Variants in CACNB4 observed in about 807,000 individuals in gnomAD.
The protein encoded by CACNB4 is voltage-dependent L-type calcium channel subunit beta-4.
Under a neutral mutation model 71.2 loss-of-function variants are expected in CACNB4, and 32 were observed. The ratio of observed to expected loss-of-function variants is 0.45; its 90% confidence interval spans 0.34 to 0.60. CACNB4 has a LOEUF of 0.60. Ranked by LOEUF, CACNB4 falls within the 20% of genes least tolerant of loss-of-function variation. The pLI, the probability that CACNB4 is intolerant of heterozygous loss-of-function variation, is 0.01. For synonymous variants in CACNB4, 231 were observed against 236.9 expected, an observed-to-expected ratio of 0.97 and a Z score of 0.23; for missense variants, 464 against 647.9, an observed-to-expected ratio of 0.72 and a Z score of 3.08.
intron 2 of CACNB4, among the ~76,000 whole-genome samples, chr2:151,897,122 G>C (rs2099852286): frequency 1.3e-5 from 2 of 152,336 alleles, no homozygotes; most frequent in Admixed American, 6.5e-5. Flanking sequence ...GTTCTCTCCA[G>C]CACATCATCT....
At chr2:151,992,032 C>T (rs1264397049) in intron 2 of CACNB4, among the ~76,000 whole-genome samples, 1 of 152,182 alleles carries the variant, frequency 6.6e-6, no homozygotes, top group Admixed American at 6.5e-5. Context: ...CCAGAATGGC[C>T]CCCCTGAAGG....
chr2:152,099,028 A>C lies in CACNB4; in HGVS notation c.-17T>G, dbSNP rs769264633. ...GGAGGACATCGTTCAGAGCCGCCGC[A>C]TGGCCAGCCCGTGTGCGGTGGGCGG... On this transcript the variant is annotated 5_prime_UTR_variant, in exon 1 of 14. It removes an upstream start codon present in the reference 5' UTR. Coordinates refer to ENST00000539935, the MANE Select transcript of CACNB4 (RefSeq NM_000726.5). 6.6e-6 allele frequency: 10 copies of C among 1,513,418 alleles called. No homozygotes were observed. The highest frequency in any genetic ancestry group is 7.9e-6 in the Non-Finnish European group (9 of 1,134,306). The allele number at this position is 1,513,418 out of a possible 1,614,324, so 93.7% of individuals were successfully genotyped here. A position where few individuals can be genotyped will look rare whatever the true frequency, so the allele number is the denominator to read the frequency against.
intron 2 of CACNB4, among the ~76,000 whole-genome samples, chr2:152,011,369 C>T (rs1346598580): frequency 2.0e-5 from 3 of 152,194 alleles, no homozygotes; most frequent in Non-Finnish European, 4.4e-5. Flanking sequence ...GTTTTCCACT[C>T]TGGGCTCGAA....
At chr2:152,051,331 G>A (rs1685420714) in intron 2 of CACNB4, among the ~76,000 whole-genome samples, 1 of 152,054 alleles carries the variant, frequency 6.6e-6, no homozygotes, top group Non-Finnish European at 1.5e-5. Context: ...CAACAGTTTA[G>A]TATATTCAGA....
At chr2:151,983,675 TCA>T (rs1553803380) in intron 2 of CACNB4, among the ~76,000 whole-genome samples, 2,843 of 141,442 alleles carry the variant, frequency 0.02, 39 homozygotes, top group Middle Eastern at 0.05. Context: ...TAAACTTTGG[TCA>T]CACACACACA....
At chr2:151,929,174 A>T (rs925218776) in intron 2 of CACNB4, among the ~76,000 whole-genome samples, 4 of 152,152 alleles carry the variant, frequency 2.6e-5, no homozygotes, top group Admixed American at 6.5e-5. Flanking sequence ...GGAGAGATGG[A>T]ACCAAGAGGA....
chr2:151,862,050 C>T (rs1256163318), intron 9 of CACNB4, among the ~76,000 whole-genome samples: 1 of 152,166 alleles, frequency 6.6e-6, no homozygotes, highest in Non-Finnish European at 1.5e-5. Flanking sequence ...ATGGGCCTTT[C>T]TCCATTCTCA....
chr2:152,048,188 A>C (rs980699215), intron 2 of CACNB4, among the ~76,000 whole-genome samples: 1 of 151,978 alleles, frequency 6.6e-6, no homozygotes, highest in Non-Finnish European at 1.5e-5. Flanking sequence ...TACTCACTAG[A>C]TGTACTACTC....
At chr2:152,046,480 A>T (rs886771575) in intron 2 of CACNB4, among the ~76,000 whole-genome samples, 1 of 152,228 alleles carries the variant, frequency 6.6e-6, no homozygotes, top group African/African-American at 2.4e-5. Flanking sequence ...TGACTGCTGC[A>T]AACAGGAGAA....
chr2:152,033,417 A>T (rs1041912471), intron 2 of CACNB4, among the ~76,000 whole-genome samples: 2 of 152,186 alleles, frequency 1.3e-5, no homozygotes, highest in East Asian at 3.8e-4. Context: ...CTTCAACTCC[A>T]GCAGCCACAG....
rs1389796986 is a variant in CACNB4, at chr2:152,098,310, C to A, written c.147+20G>T. 6.2e-7 allele frequency: 1 copy of A among 1,603,440 alleles called. No homozygotes were observed. Among genetic ancestry groups the A allele is most frequent in the Admixed American group, 1.7e-5 (1 of 59,978 alleles). On this transcript the variant is annotated intron_variant, in intron 2 of 13. Transcript: ENST00000539935. The surrounding 1 kb of genome is among the most constrained non-coding windows in gnomAD (Gnocchi z 5.3). ...CGCTCGGCCTCCTCCCCATCCTGGTCTCCCGCCTCCTTCTCATACCTGTCT... is the reference window on the plus strand; with the variant it reads ...CGCTCGGCCTCCTCCCCATCCTGGTATCCCGCCTCCTTCTCATACCTGTCT...
intron 2 of CACNB4, chr2:151,971,533 C>T (rs1300662777): frequency 4.3e-6 from 3 of 702,926 alleles, no homozygotes; most frequent in Admixed American, 4.0e-5. Context: ...CTGGACAACC[C>T]CCCACACTTA....
chr2:152,045,793 C>T (rs1579193848), intron 2 of CACNB4, among the ~76,000 whole-genome samples: 1 of 152,134 alleles, frequency 6.6e-6, no homozygotes, highest in East Asian at 1.9e-4. Context: ...CATCCCGCAG[C>T]TCTAAATACA....
chr2:151,871,756 C>T (rs924120263), intron 6 of CACNB4: 2 of 152,650 alleles, frequency 1.3e-5, no homozygotes, highest in South Asian at 4.1e-4. Context: ...AACTAGGACA[C>T]TGGATGCCCT....
intron 2 of CACNB4, among the ~76,000 whole-genome samples, chr2:151,944,625 C>T (rs2099865135): frequency 6.6e-6 from 1 of 152,084 alleles, no homozygotes; most frequent in Non-Finnish European, 1.5e-5. Flanking sequence ...AACTCCATCT[C>T]AACTTAAAAT....
At chr2:151,841,462 C>T (rs1051264582) in intron 13 of CACNB4, among the ~76,000 whole-genome samples, 1 of 151,736 alleles carries the variant, frequency 6.6e-6, no homozygotes, top group African/African-American at 2.4e-5. Flanking sequence ...TGCCTGTAGT[C>T]CCAGCTATTT....
At chr2:151,933,841 CAGCT>C (rs150060055) in intron 2 of CACNB4, among the ~76,000 whole-genome samples, 417 of 152,246 alleles carry the variant, frequency 2.7e-3, no homozygotes, top group African/African-American at 9.4e-3. Context: ...TTTTCTAAGG[CAGCT>C]ATTCCTAAGA....
intron 2 of CACNB4, among the ~76,000 whole-genome samples, chr2:152,065,824 C>T (rs76156635): frequency 0.015 from 2,282 of 152,234 alleles, 50 homozygotes; most frequent in African/African-American, 0.052. Context: ...TCACTGCAAC[C>T]TCCAATTCCT....
Position 152,098,579 on chromosome 2 carries a change from C to CCCCCCCAGCCA in CACNB4, c.64-167_64-166insTGGCTGGGGGG. The CCCCCCCAGCCA allele has an allele frequency of 3.2e-6, 3 of 943,714 alleles. No homozygotes were observed. The highest frequency in any genetic ancestry group is 1.4e-5 in the South Asian group (1 of 72,162). 58.5% of individuals were successfully genotyped at this position (943,714 alleles called of 1,614,324 possible). On this transcript the variant is annotated intron_variant, in intron 1 of 13. Transcript: ENST00000539935. This position sits in a 1 kb window ranked among gnomAD's most constrained non-coding sequence, Gnocchi z 5.3. Reference sequence around the variant, plus strand: ...CCCAAATACAGCCCCCACCCCCACCCACCCACTGCAAGCCTCGACTGCTGA... The same window carrying CCCCCCCAGCCA: ...CCCAAATACAGCCCCCACCCCCACCCCCCCCCAGCCAACCCACTGCAAGCCTCGACTGCTGA...
Sources: gnomAD v4.1 joint callset for allele counts (sites outside exome capture counted in the v4.1 genomes callset) on GRCh38, gnomAD v4.1.1 for gene constraint, Gnocchi (gnomAD v3.1) non-coding constraint, MANE v1.5 for transcripts, NCBI Gene and HGNC (gene_info 2026-07-23, HGNC 2026-07-21) for gene names.